ZNF724: variants seen among roughly 807,000 people sequenced by gnomAD.
The protein encoded by ZNF724 is zinc finger protein 724 pseudogene.
In ZNF724, 14 loss-of-function variants were observed where a neutral mutation model predicts 29.3. The observed-to-expected ratio is 0.48, with a 90% CI of 0.32 to 0.75. The LOEUF (loss-of-function observed/expected upper bound fraction) is 0.75. Ranked by LOEUF, ZNF724 falls within the 30% of genes least tolerant of loss-of-function variation. The pLI, the probability that ZNF724 is intolerant of heterozygous loss-of-function variation, is 0.04. For synonymous variants in ZNF724, 180 were observed against 193.6 expected, an observed-to-expected ratio of 0.93 and a Z score of 0.58; for missense variants, 557 against 571.2, an observed-to-expected ratio of 0.98 and a Z score of 0.25.
intron 1 of ZNF724, among the ~76,000 whole-genome samples, chr19:23,242,866 T>G (rs1972155180): frequency 6.7e-6 from 1 of 149,632 alleles, no homozygotes; most frequent in Non-Finnish European, 1.5e-5. Flanking sequence ...ATGATGAAAC[T>G]CCAGCTCTAC....
rs1267514310 is a variant in ZNF724 at position 23,250,269 on chromosome 19, CGTCTTAGCT to C, written c.-36_-28del. On this transcript the variant is annotated 5_prime_UTR_variant, in exon 1 of 4. Transcript: ENST00000418100. ...TCTAGGCTTCCAGGGGAGGCCCTGG[CGTCTTAGCT>C]GTGGATCTCCCAATGCTTGCAGGTC... 2.9e-6 allele frequency: 2 copies of C among 684,936 alleles called. No homozygotes were observed. Among genetic ancestry groups the C allele is most frequent in the Admixed American group, 1.9e-5 (1 of 52,206 alleles). 42.4% of individuals were successfully genotyped at this position (684,936 alleles called of 1,614,324 possible).
chr19:23,230,493 T>C (rs949293323), intron 3 of ZNF724, among the ~76,000 whole-genome samples: 16 of 40,964 alleles, frequency 3.9e-4, no homozygotes, highest in African/African-American at 1.1e-3. Flanking sequence ...TTCAAGACTA[T>C]AGTATAAAAA....
At chr19:23,249,235 G>A (rs1170933955) in intron 1 of ZNF724, among the ~76,000 whole-genome samples, 2 of 127,846 alleles carry the variant, frequency 1.6e-5, no homozygotes, top group Non-Finnish European at 1.6e-5. Context: ...TTTTTGCAGA[G>A]ACTGCCTTTT....
chr19:23,237,423 T>A (rs979130065), intron 1 of ZNF724, among the ~76,000 whole-genome samples: 1 of 152,132 alleles, frequency 6.6e-6, no homozygotes, highest in African/African-American at 2.4e-5. Flanking sequence ...TTTTGGATAT[T>A]AGATATAAAT....
intron 1 of ZNF724, among the ~76,000 whole-genome samples, chr19:23,246,083 G>A (rs780508379): frequency 2.0e-5 from 3 of 152,122 alleles, no homozygotes; most frequent in Non-Finnish European, 4.4e-5. Flanking sequence ...TGAGCCTTTA[G>A]CTTGGAGTCA....
At chr19:23,235,511 ACTTT>A in intron 1 of ZNF724, among the ~76,000 whole-genome samples, 1 of 152,356 alleles carries the variant, frequency 6.6e-6, no homozygotes, top group Middle Eastern at 3.4e-3. Flanking sequence ...TAAAATACAT[ACTTT>A]ATTTTTCCAA....
rs747469048 is a variant in ZNF724, at chr19:23,222,647, G to A, written c.1598C>T (p.Pro533Leu). 49 of 1,363,212 alleles carry A rather than the reference G, an allele frequency of 3.6e-5. No individual in the cohort carries two copies. Among genetic ancestry groups the A allele is most frequent in the Non-Finnish European group, 4.7e-5 (45 of 955,260 alleles). 84.4% of individuals were successfully genotyped at this position (1,363,212 alleles called of 1,614,324 possible). ...TTTGCCACATTCTTCACATTTGTAGGGTTTCTCTCCAGCATGAATTATCTT... is the reference window on the plus strand; with the variant it reads ...TTTGCCACATTCTTCACATTTGTAGAGTTTCTCTCCAGCATGAATTATCTT... ...RHKIIHAGEK[P>L]YKCEECGKAF... Residue 533 changes from proline to leucine, a missense_variant, in exon 4 of 4, where the codon CCC (proline) becomes CTC (leucine). This residue lies in a region of ZNF724 where 170 missense variants were observed against 220.7 expected (regional missense o/e 0.77). Transcript: ENST00000418100.
intron 2 of ZNF724, 34 bp downstream of exon 2, chr19:23,232,133 T>A (rs1329368176): frequency 1.0e-5 from 13 of 1,261,526 alleles, no homozygotes; most frequent in Admixed American, 3.5e-5. Flanking sequence ...ATATTTAGGG[T>A]AGATTAGGAA....
chr19:23,233,170 T>C (rs556694685), intron 1 of ZNF724, among the ~76,000 whole-genome samples: 1 of 152,306 alleles, frequency 6.6e-6, no homozygotes, highest in Non-Finnish European at 1.5e-5. Context: ...ATCAGTTTTA[T>C]GCAAAGTTCA....
intron 2 of ZNF724, among the ~76,000 whole-genome samples, chr19:23,231,742 C>CT (rs535413013): frequency 1.3e-4 from 20 of 150,104 alleles, no homozygotes; most frequent in South Asian, 4.2e-4. Flanking sequence ...CTTTCTCTCC[C>CT]TTTTTTTTTG....
At chr19:23,249,175 TA>T (rs559959017) in intron 1 of ZNF724, among the ~76,000 whole-genome samples, 191 of 151,892 alleles carry the variant, frequency 1.3e-3, no homozygotes, top group African/African-American at 4.4e-3. Flanking sequence ...CTACAACCCA[TA>T]GGGGTGCTCT....
chr19:23,227,571 C>CAAAAAAAAAACA lies in ZNF724; in HGVS notation c.227-3554_227-3553insTGTTTTTTTTTT, dbSNP rs372023948. 1.2e-3 allele frequency among the ~76,000 whole-genome samples: 143 copies of CAAAAAAAAAACA among 118,974 alleles called. 2 individuals are homozygous for CAAAAAAAAAACA. The highest frequency in any genetic ancestry group is 1.8e-3 in the Non-Finnish European group (107 of 58,914). 78.1% of individuals were successfully genotyped at this position (118,974 alleles called of 152,430 possible). On this transcript the variant is annotated intron_variant, in intron 3 of 3. Coordinates refer to ENST00000418100, the MANE Select transcript of ZNF724 (RefSeq NM_001355404.2). ...GCTCCATCTCAAAAAAAAAAAAAAA[C>CAAAAAAAAAACA]AAAAAAAAACAAGTTAAATTATATT...
Position 23,232,058 on chromosome 19 carries a change from G to C in ZNF724, c.130+109C>G. ...GGCCCCCAAGATTTTCTTAGAAATA[G>C]AGATCTGATACTCATTTATGCAAAG... On this transcript the variant is annotated intron_variant, in intron 2 of 3. Transcript: ENST00000418100. 4.2e-6 allele frequency: 4 copies of C among 962,768 alleles called. No homozygotes were observed. In the South Asian group the frequency reaches 5.9e-5, roughly 14 times the overall value. 59.6% of individuals were successfully genotyped at this position (962,768 alleles called of 1,614,324 possible). A position where few individuals can be genotyped will look rare whatever the true frequency, so the allele number is the denominator to read the frequency against.
At chr19:23,247,509 C>T (rs974159539) in intron 1 of ZNF724, among the ~76,000 whole-genome samples, 5 of 152,138 alleles carry the variant, frequency 3.3e-5, no homozygotes, top group Admixed American at 1.3e-4. Flanking sequence ...CAAGTCAGGC[C>T]ATCCAATCCC....
intron 3 of ZNF724, among the ~76,000 whole-genome samples, chr19:23,230,208 G>GT (rs1568340468): frequency 5.9e-5 from 9 of 151,784 alleles, no homozygotes; most frequent in Non-Finnish European, 1.3e-4. Context: ...AATAAATGAT[G>GT]TATCAATGGA....
chr19:23,245,132 T>C (rs1450140501), intron 1 of ZNF724, among the ~76,000 whole-genome samples: 1 of 152,246 alleles, frequency 6.6e-6, no homozygotes, highest in Non-Finnish European at 1.5e-5. Context: ...ACCTATCACA[T>C]AGCCAGACAT....
intron 1 of ZNF724, among the ~76,000 whole-genome samples, chr19:23,239,560 C>T (rs575146046): frequency 2.0e-5 from 3 of 152,304 alleles, no homozygotes; most frequent in Admixed American, 1.3e-4. Context: ...ATCGCTACAA[C>T]ACAGCCAAGG....
intron 1 of ZNF724, among the ~76,000 whole-genome samples, chr19:23,246,153 T>C (rs1283352270): frequency 6.6e-6 from 1 of 152,108 alleles, no homozygotes; most frequent in Non-Finnish European, 1.5e-5. Context: ...AAACTCAGTG[T>C]TTGAAAAATC....
intron 1 of ZNF724, among the ~76,000 whole-genome samples, chr19:23,240,626 C>T (rs1972103935): frequency 6.7e-6 from 1 of 149,928 alleles, no homozygotes; most frequent in Non-Finnish European, 1.5e-5. Context: ...CAGATTTAAG[C>T]ACATAATTGC....
Sources: gnomAD v4.1 joint callset for allele counts (sites outside exome capture counted in the v4.1 genomes callset) on GRCh38, gnomAD v4.1.1 for gene constraint, gnomAD v4.1.1 regional missense constraint, MANE v1.5 for transcripts, NCBI Gene and HGNC (gene_info 2026-07-23, HGNC 2026-07-21) for gene names.